The following POPDC3 variants were observed in gnomAD, a reference collection of about 807,000 sequenced individuals.
POPDC3 encodes the protein popeye domain-containing protein 3.
In POPDC3, 20 loss-of-function variants were observed where a neutral mutation model predicts 28.2. The ratio of observed to expected loss-of-function variants is 0.71; its 90% CI spans 0.50 to 1.03. The LOEUF is 1.03. Ranked by LOEUF, POPDC3 falls within the 50% of genes least tolerant of loss-of-function variation. The pLI is 0.00. For missense variants in POPDC3, 316 were observed against 345.9 expected, an observed-to-expected ratio of 0.91 and a Z score of 0.69; for synonymous variants, 118 against 124.1, an observed-to-expected ratio of 0.95 and a Z score of 0.33.
chr6:105,177,529 A>G lies in POPDC3; in HGVS notation c.-252+2304T>C, dbSNP rs139746230. Among the ~76,000 whole-genome samples the G allele has an allele frequency of 2.0e-5, 3 of 152,358 alleles. No individual in the cohort carries two copies. The East Asian group carries it at 5.8e-4, about 29-fold the overall frequency. On this transcript the variant is annotated intron_variant, in intron 1 of 3. Transcript: ENST00000254765. ...CAGCTGCAATTTGTTCAGCTAGGAA[A>G]CAAACACCTTCCAAAGAAGACAGGA...
At position 105,173,858 on chromosome 6, in the gene POPDC3, A is replaced by G. The variant is rs965299914; in HGVS notation, c.-252+5975T>C. 3.0e-3 allele frequency among the ~76,000 whole-genome samples: 19 copies of G among 6,340 alleles called. No individual in the cohort carries two copies. The East Asian group carries it at 0.28, about 94-fold the overall frequency. The allele number at this position is 6,340 out of a possible 152,430, so 4.2% of individuals were successfully genotyped here. On this transcript the variant is annotated intron_variant, in intron 1 of 3. Coordinates refer to ENST00000254765, the MANE Select transcript of POPDC3 (RefSeq NM_022361.5). ...GAAAGAAAAAGCATTCATAATGGGA[A>G]AAAAAAAAACCCTGAAATTAAGAAC...
rs1562151642 is a variant in POPDC3 at position 105,161,530 on chromosome 6, C to G, written c.380G>C (p.Arg127Thr). The change falls in exon 2 of 4, where the codon AGA becomes ACA. Residue 127 changes from arginine to threonine, a missense_variant. Coordinates refer to ENST00000254765, the MANE Select transcript of POPDC3 (RefSeq NM_022361.5). ...QPLGISLPVF[R>T]TIALSSEVVT... ...CACTTCAGAGCTCAAAGCAATCGTT[C>G]TGAAGACAGGCAAAGAGATCCCCAG... The G allele has an allele frequency of 3.7e-6, 6 of 1,614,194 alleles. No homozygotes were observed. The highest frequency in any genetic ancestry group is 5.1e-6 in the Non-Finnish European group (6 of 1,180,034).
chr6:105,160,730 C>G (rs1774306751), intron 2 of POPDC3, among the ~76,000 whole-genome samples: 1 of 152,058 alleles, frequency 6.6e-6, no homozygotes, highest in South Asian at 2.1e-4. Context: ...GTAGCTGGGA[C>G]TACTGGCATG....
intron 2 of POPDC3, 95 bp from the exon 3 acceptor site, chr6:105,159,914 C>A: frequency 1.3e-6 from 1 of 775,362 alleles, no homozygotes; most frequent in Non-Finnish European, 2.2e-6. Context: ...TTTCAGATCC[C>A]TGATGACTCT....
chr6:105,166,055 A>C (rs1280182451), intron 1 of POPDC3, among the ~76,000 whole-genome samples: 1 of 152,238 alleles, frequency 6.6e-6, no homozygotes, highest in Non-Finnish European at 1.5e-5. Context: ...GTTCAATGTC[A>C]CATTGCTTAT....
chr6:105,173,494 G>A (rs1296309100), intron 1 of POPDC3, among the ~76,000 whole-genome samples: 3 of 152,140 alleles, frequency 2.0e-5, no homozygotes, highest in Non-Finnish European at 4.4e-5. Context: ...GCAACCCTGT[G>A]TCAGAACCTG....
chr6:105,170,325 G>A (rs1190297), intron 1 of POPDC3, among the ~76,000 whole-genome samples: 108,738 of 152,132 alleles, frequency 0.71, 42,492 homozygotes, highest in East Asian at 0.87. Flanking sequence ...TTAAGCAGTC[G>A]TTTCTTTATA....
At chr6:105,170,749 A>T (rs561012670) in intron 1 of POPDC3, among the ~76,000 whole-genome samples, 88 of 152,358 alleles carry the variant, frequency 5.8e-4, no homozygotes, top group Non-Finnish European at 7.6e-4. Flanking sequence ...GCTCACAAGA[A>T]AATGGGGTTA....
intron 1 of POPDC3, among the ~76,000 whole-genome samples, chr6:105,173,299 T>A (rs1236074468): frequency 6.6e-6 from 1 of 152,242 alleles, no homozygotes; most frequent in Non-Finnish European, 1.5e-5. Flanking sequence ...CTTCTGTTTA[T>A]CTCTTTTTCT....
chr6:105,162,119 G>A lies in POPDC3; in HGVS notation c.-210C>T. 1 of 1,297,948 alleles carries A rather than the reference G, an allele frequency of 7.7e-7. No individual in the cohort carries two copies. Among genetic ancestry groups the A allele is most frequent in the African/African-American group, 1.5e-5 (1 of 65,818 alleles). 80.4% of individuals were successfully genotyped at this position (1,297,948 alleles called of 1,614,324 possible). ...ATGCTCGCTTCTTTAAGTTCATCTG[G>A]GCTCCTGATTTGGATCCAGTCTGCA... On this transcript the variant is annotated 5_prime_UTR_variant, in exon 2 of 4. Coordinates refer to ENST00000254765, the MANE Select transcript of POPDC3 (RefSeq NM_022361.5).
rs139436270 is a variant in POPDC3, at chr6:105,160,749, T to C, written c.485+676A>G. 2.6e-5 allele frequency among the ~76,000 whole-genome samples: 4 copies of C among 152,098 alleles called. No homozygotes were observed. In the East Asian group the frequency reaches 7.8e-4, roughly 29 times the overall value. On this transcript the variant is annotated intron_variant, in intron 2 of 3. Coordinates refer to ENST00000254765, the MANE Select transcript of POPDC3 (RefSeq NM_022361.5). ...CTGGGACTACTGGCATGTGCCACCA[T>C]GCCTGGATAATTTTGTTTTTCTATT...
chr6:105,168,398 C>T (rs748503717), intron 1 of POPDC3, among the ~76,000 whole-genome samples: 1 of 152,144 alleles, frequency 6.6e-6, no homozygotes, highest in African/African-American at 2.4e-5. Context: ...CTTTTGATCC[C>T]CCTTATCAAT....
chr6:105,160,573 C>T (rs1774300779), intron 2 of POPDC3, among the ~76,000 whole-genome samples: 1 of 151,804 alleles, frequency 6.6e-6, no homozygotes, highest in Non-Finnish European at 1.5e-5. Context: ...GTTTCCTCTC[C>T]CAAACTTTGT....
rs966739920 is a variant in POPDC3, at chr6:105,170,795, T to G, written c.-251-8635A>C. ...ACTTAAAATCTTCATCAGTGGCACA[T>G]TCTTTAAAAGATAGGAATTTAATAA... On this transcript the variant is annotated intron_variant, in intron 1 of 3. Transcript: ENST00000254765. Among the ~76,000 whole-genome samples the G allele has an allele frequency of 7.2e-5, 11 of 152,294 alleles. 1 individual carries two copies. In the South Asian group the frequency reaches 2.3e-3, roughly 32 times the overall value.
At chr6:105,162,827 C>G (rs1562152660) in intron 1 of POPDC3, among the ~76,000 whole-genome samples, 1 of 152,216 alleles carries the variant, frequency 6.6e-6, no homozygotes, top group Non-Finnish European at 1.5e-5. Context: ...ATTTTAAGCT[C>G]CCCATGTGAT....
At chr6:105,160,918 C>G (rs1774312461) in intron 2 of POPDC3, among the ~76,000 whole-genome samples, 1 of 152,090 alleles carries the variant, frequency 6.6e-6, no homozygotes, top group Admixed American at 6.5e-5. Context: ...CGCACCTGGC[C>G]TGTTTTCAAA....
chr6:105,158,427 A>G lies in POPDC3; in HGVS notation c.*43T>C. The G allele has an allele frequency of 6.7e-7, 1 of 1,497,126 alleles. No homozygotes were observed. Among genetic ancestry groups the G allele is most frequent in the Non-Finnish European group, 9.0e-7 (1 of 1,110,372 alleles). The allele number at this position is 1,497,126 out of a possible 1,614,324, so 92.7% of individuals were successfully genotyped here. On this transcript the variant is annotated 3_prime_UTR_variant, in exon 4 of 4. Coordinates refer to ENST00000254765, the MANE Select transcript of POPDC3 (RefSeq NM_022361.5). ...TTGCTATTTCACTGGGGAATGATGA[A>G]GAGAGAGTCTTTTTTTATACTTATA...
In POPDC3 at chr6:105,161,617, T is replaced by G. The variant is rs1221026525; in HGVS notation, c.293A>C (p.Gln98Pro). Residue 98 changes from glutamine to proline, a missense_variant, in exon 2 of 4, where the codon CAA (glutamine) becomes CCA (proline). Coordinates refer to ENST00000254765, the MANE Select transcript of POPDC3 (RefSeq NM_022361.5). ...CFMQFVHIAYQVRSITFAREF... is the reference protein window; with the variant it reads ...CFMQFVHIAYPVRSITFAREF... ...TCGGGCAAAGGTTATGCTGCGAACT[T>G]GATATGCAATATGAACAAATTGCAT... 7 of 1,614,108 alleles carry G rather than the reference T, an allele frequency of 4.3e-6. No individual in the cohort carries two copies. The highest frequency in any genetic ancestry group is 5.9e-6 in the Non-Finnish European group (7 of 1,180,040).
At chr6:105,172,599 C>T (rs1243184612) in intron 1 of POPDC3, among the ~76,000 whole-genome samples, 2 of 150,642 alleles carry the variant, frequency 1.3e-5, no homozygotes, top group African/African-American at 2.5e-5. Flanking sequence ...ATGTTTATTG[C>T]GTCACTATTC....
Sources: gnomAD v4.1 joint callset for allele counts (sites outside exome capture counted in the v4.1 genomes callset) on GRCh38, gnomAD v4.1.1 for gene constraint, MANE v1.5 for transcripts, NCBI Gene and HGNC (gene_info 2026-07-23, HGNC 2026-07-21) for gene names.